TAFA4: variants seen among roughly 807,000 people sequenced by gnomAD.
The protein encoded by TAFA4 is TAFA chemokine like family member 4.
TAFA4 carries 20 observed loss-of-function variants against 21.1 expected under a neutral mutation model. The ratio of observed to expected loss-of-function variants is 0.95; its 90% CI spans 0.67 to 1.38. The LOEUF is 1.38. Among genes scored for constraint, TAFA4 ranks in the 40% most tolerant of loss-of-function variants. The pLI is 0.00. For missense variants in TAFA4, 211 were observed against 180.9 expected (o/e 1.17, Z -0.95); for synonymous variants, 71 against 67.4 (o/e 1.05, Z -0.26).
chr3:68,916,786 A>G (rs982523054), intron 1 of TAFA4, among the ~76,000 whole-genome samples: 1 of 152,142 alleles, frequency 6.6e-6, no homozygotes, highest in African/African-American at 2.4e-5. Flanking sequence ...TCATAGCCCA[A>G]AATAGCTGTT....
chr3:68,819,418 G>A (rs933674522), intron 3 of TAFA4, among the ~76,000 whole-genome samples: 2 of 152,096 alleles, frequency 1.3e-5, no homozygotes, highest in African/African-American at 4.8e-5. Flanking sequence ...CAGTAAGTGT[G>A]GGCCTCCTTA....
At chr3:68,750,049 T>C (rs1054925632) in intron 4 of TAFA4, among the ~76,000 whole-genome samples, 1 of 152,208 alleles carries the variant, frequency 6.6e-6, no homozygotes, top group Non-Finnish European at 1.5e-5. Flanking sequence ...GACTGGTCCG[T>C]ATCACTGATC....
intron 1 of TAFA4, among the ~76,000 whole-genome samples, chr3:68,898,609 G>A (rs1289861663): frequency 6.6e-6 from 1 of 152,198 alleles, no homozygotes; most frequent in African/African-American, 2.4e-5. Flanking sequence ...TCGTGCCACT[G>A]CACTCAAACC....
chr3:68,885,115 G>C, intron 2 of TAFA4, 60 bp downstream of exon 2: 1 of 1,552,134 alleles, frequency 6.4e-7, no homozygotes, highest in Non-Finnish European at 8.8e-7. Context: ...ACTCACTTTT[G>C]CTAAATTCTC....
intron 4 of TAFA4, 116 bp from the exon 5 acceptor site, chr3:68,739,315 G>T (rs1702303530): frequency 7.4e-6 from 9 of 1,215,902 alleles, no homozygotes; most frequent in East Asian, 2.4e-5. Flanking sequence ...TAAATTTACG[G>T]TTGGTAAATT....
chr3:68,755,401 G>T (rs902734514), intron 3 of TAFA4, among the ~76,000 whole-genome samples: 1 of 152,124 alleles, frequency 6.6e-6, no homozygotes, highest in African/African-American at 2.4e-5. Context: ...CTCATGGCTC[G>T]ACCTGAGTGA....
chr3:68,927,740 A>C (rs186975865), intron 1 of TAFA4, among the ~76,000 whole-genome samples: 1 of 152,086 alleles, frequency 6.6e-6, no homozygotes, highest in Admixed American at 6.6e-5. Context: ...CTCTAGAAAA[A>C]ATAACAAATT....
intron 3 of TAFA4, among the ~76,000 whole-genome samples, chr3:68,804,312 A>G (rs941091057): frequency 1.3e-5 from 2 of 152,214 alleles, no homozygotes; most frequent in African/African-American, 4.8e-5. Flanking sequence ...ATACAAACAA[A>G]TGGAAGAACA....
chr3:68,734,016 G>A (rs980909405), intron 5 of TAFA4, among the ~76,000 whole-genome samples: 37 of 151,988 alleles, frequency 2.4e-4, no homozygotes, highest in African/African-American at 7.5e-4. Flanking sequence ...TACTGGAAAG[G>A]ACTCAATATG....
At chr3:68,834,694 C>T (rs1198553370) in intron 3 of TAFA4, among the ~76,000 whole-genome samples, 2 of 152,136 alleles carry the variant, frequency 1.3e-5, no homozygotes, top group Non-Finnish European at 2.9e-5. Flanking sequence ...TTTCTGGTTG[C>T]TCAAGCCAAA....
chr3:68,873,847 G>A (rs1383544615), intron 3 of TAFA4, among the ~76,000 whole-genome samples: 1 of 152,174 alleles, frequency 6.6e-6, no homozygotes, highest in African/African-American at 2.4e-5. Flanking sequence ...ACTCCTTTAT[G>A]CACAACCAAG....
intron 3 of TAFA4, among the ~76,000 whole-genome samples, chr3:68,760,966 G>T (rs545170896): frequency 6.6e-6 from 1 of 152,182 alleles, no homozygotes; most frequent in African/African-American, 2.4e-5. Flanking sequence ...AGAGACCCCT[G>T]TGGTCTCAAA....
chr3:68,824,197 T>TA (rs1264497604), intron 3 of TAFA4, among the ~76,000 whole-genome samples: 1 of 152,220 alleles, frequency 6.6e-6, no homozygotes, highest in Non-Finnish European at 1.5e-5. Context: ...CTATTACTGC[T>TA]ATAACAAGTT....
intron 3 of TAFA4, among the ~76,000 whole-genome samples, chr3:68,838,607 G>A (rs962966080): frequency 7.2e-5 from 11 of 152,172 alleles, no homozygotes; most frequent in African/African-American, 2.7e-4. Flanking sequence ...TTTAGGGTTT[G>A]CGGGCCATGT....
intron 3 of TAFA4, among the ~76,000 whole-genome samples, chr3:68,854,599 G>A (rs1434247378): frequency 6.6e-6 from 1 of 151,734 alleles, no homozygotes. Context: ...CAAATATATG[G>A]TTAAAGCCTT....
chr3:68,908,380 C>A (rs1329985793), intron 1 of TAFA4, among the ~76,000 whole-genome samples: 1 of 152,110 alleles, frequency 6.6e-6, no homozygotes, highest in African/African-American at 2.4e-5. Context: ...TAGTGGGAAG[C>A]CACGAGGCTC....
chr3:68,845,282 T>G lies in TAFA4; in HGVS notation c.130+35448A>C, dbSNP rs537202806. On this transcript the variant is annotated intron_variant, in intron 3 of 5. Coordinates refer to ENST00000295569, the MANE Select transcript of TAFA4 (RefSeq NM_182522.5). ...TTATGTAATGCCCTTGTGTTTTTTT[T>G]AATCTTTGTTGGTTTAAAGTCTGTT... Among the ~76,000 whole-genome samples the G allele has an allele frequency of 2.3e-4, 35 of 152,326 alleles. 1 individual carries two copies. In the South Asian group the frequency reaches 7.0e-3, roughly 31 times the overall value.
At chr3:68,783,491 A>G (rs1213561126) in intron 3 of TAFA4, among the ~76,000 whole-genome samples, 1 of 152,114 alleles carries the variant, frequency 6.6e-6, no homozygotes, top group African/African-American at 2.4e-5. Context: ...AAATTTAGGA[A>G]AACAAGAAAA....
rs1420982225 is a variant in TAFA4 at position 68,848,148 on chromosome 3, T to C, written c.130+32582A>G. On this transcript the variant is annotated intron_variant, in intron 3 of 5. Transcript: ENST00000295569. The stretch of plus-strand genomic sequence containing the variant: ...CAGCTATTAAATAGCAGAACCAAGC[T>C]TGGAATACAGAGTCTGACTCCAGTG... Among the ~76,000 whole-genome samples, 4 of 152,212 alleles carry C rather than the reference T, an allele frequency of 2.6e-5. No individual in the cohort carries two copies. The South Asian group carries it at 8.3e-4, about 31-fold the overall frequency.
Sources: gnomAD v4.1 joint callset for allele counts (sites outside exome capture counted in the v4.1 genomes callset) on GRCh38, gnomAD v4.1.1 for gene constraint, MANE v1.5 for transcripts, NCBI Gene and HGNC (gene_info 2026-07-23, HGNC 2026-07-21) for gene names.